SLC38A3: variants seen among roughly 807,000 people sequenced by gnomAD.
SLC38A3 encodes sodium-coupled neutral amino acid transporter 3.
A neutral mutation model predicts 59.5 loss-of-function variants in SLC38A3; 17 were observed. The observed-to-expected ratio is 0.29, with a 90% confidence interval of 0.20 to 0.43. The LOEUF (loss-of-function observed/expected upper bound fraction) is 0.43, where lower values mean the gene tolerates loss of function less well. Ranked by LOEUF, SLC38A3 falls within the 20% of genes least tolerant of loss-of-function variation. The probability of loss-of-function intolerance (pLI) is 1.00; values close to 1 mark genes in which losing one functional copy is unlikely to be tolerated. For synonymous variants in SLC38A3, 238 were observed against 260.3 expected, an observed-to-expected ratio of 0.91 and a Z score of 0.82; for missense variants, 454 against 653.9, an observed-to-expected ratio of 0.69 and a Z score of 3.33.
chr3:50,211,594 T>TC (rs1699730298), intron 1 of SLC38A3, among the ~76,000 whole-genome samples: 1 of 139,900 alleles, frequency 7.1e-6, no homozygotes, highest in Admixed American at 7.2e-5. Flanking sequence ...TTTTTTTTTT[T>TC]TCTTTTTTTT....
chr3:50,219,072 C>A, intron 14 of SLC38A3, 124 bp downstream of exon 14: 1 of 1,236,524 alleles, frequency 8.1e-7, no homozygotes, highest in Admixed American at 2.2e-5. Flanking sequence ...ACAGTTTGGC[C>A]TTCCATCTGA....
At position 50,217,664 on chromosome 3, in the gene SLC38A3, T is replaced by A; in HGVS notation, c.691-12T>A. On this transcript the variant is annotated splice_polypyrimidine_tract_variant and intron_variant, in intron 9 of 15. Coordinates refer to ENST00000614032, the MANE Select transcript of SLC38A3 (RefSeq NM_006841.6). The surrounding 1 kb of genome is among the most constrained non-coding windows in gnomAD (Gnocchi z 4.9). ...TGGGAGTCTCTGACACCCTCATCCC[T>A]CCCCACTCCAGGTCATCTACAAAAA... The A allele has an allele frequency of 6.2e-7, 1 of 1,613,410 alleles. No individual in the cohort carries two copies. The highest frequency in any genetic ancestry group is 1.1e-5 in the South Asian group (1 of 90,998).
Position 50,215,224 on chromosome 3 carries a change from T to C in SLC38A3, c.300-162T>C. 2 of 640,498 alleles carry C rather than the reference T, an allele frequency of 3.1e-6. No homozygotes were observed. Among genetic ancestry groups the C allele is most frequent in the South Asian group, 3.8e-5 (2 of 53,330 alleles). 39.7% of individuals were successfully genotyped at this position (640,498 alleles called of 1,614,324 possible). A position where few individuals can be genotyped will look rare whatever the true frequency, so the allele number is the denominator to read the frequency against. Reference sequence around the variant, plus strand: ...CCTGGATCAAAGGGGGTGGTGTTCATCACCCCTGGGGCCTGCTGAGCTGGC... The same window carrying C: ...CCTGGATCAAAGGGGGTGGTGTTCACCACCCCTGGGGCCTGCTGAGCTGGC... On this transcript the variant is annotated intron_variant, in intron 4 of 15. Coordinates refer to ENST00000614032, the MANE Select transcript of SLC38A3 (RefSeq NM_006841.6). This position sits in a 1 kb window ranked among gnomAD's most constrained non-coding sequence, Gnocchi z 7.1.
Position 50,208,728 on chromosome 3 carries a change from CTGTCTG to C in SLC38A3, c.-52+3385_-52+3390del, listed in dbSNP as rs1459994679. ...ATGTGGTTTTTGTCTGTGTGTTTTT[CTGTCTG>C]TGTCCCTCTGTGTGCATCTGCATTT... On this transcript the variant is annotated intron_variant, in intron 1 of 15. Coordinates refer to ENST00000614032, the MANE Select transcript of SLC38A3 (RefSeq NM_006841.6). Among the ~76,000 whole-genome samples, 8 of 152,314 alleles carry C rather than the reference CTGTCTG, an allele frequency of 5.3e-5. No individual in the cohort carries two copies. The East Asian group carries it at 1.5e-3, about 29-fold the overall frequency.
At chr3:50,219,816 C>T in intron 14 of SLC38A3, 65 bp from the exon 15 acceptor site, 1 of 1,333,124 alleles carries the variant, frequency 7.5e-7, no homozygotes, top group African/African-American at 1.5e-5. Flanking sequence ...ATTGAAGAGT[C>T]CACCCCCGAA....
chr3:50,208,680 C>G (rs553462928), intron 1 of SLC38A3, among the ~76,000 whole-genome samples: 1 of 152,322 alleles, frequency 6.6e-6, no homozygotes, highest in African/African-American at 2.4e-5. Context: ...TGTCTCCTGT[C>G]TAAATGTCTG....
Position 50,220,368 on chromosome 3 carries a change from C to T in SLC38A3, c.*191C>T. The T allele has an allele frequency of 1.7e-6, 1 of 591,360 alleles. No homozygotes were observed. The highest frequency in any genetic ancestry group is 2.0e-5 in the South Asian group (1 of 50,676). The allele number at this position is 591,360 out of a possible 1,614,324, so 36.6% of individuals were successfully genotyped here. ...CAGGACCAAGGCCCTTGGGCCACTA[C>T]CCTGCTAGGCTCTGGAGCTGTAGAG... On this transcript the variant is annotated 3_prime_UTR_variant, in exon 16 of 16. Coordinates refer to ENST00000614032, the MANE Select transcript of SLC38A3 (RefSeq NM_006841.6).
In SLC38A3 at chr3:50,215,102, A is replaced by G. The variant is rs775971370; in HGVS notation, c.300-284A>G. ...GCTCTGCCCTGAAGCCAGAATGGAA[A>G]ACATGTTTGTTTCAAGGACTCAAGA... On this transcript the variant is annotated intron_variant, in intron 4 of 15. Transcript: ENST00000614032. This position sits in a 1 kb window ranked among gnomAD's most constrained non-coding sequence, Gnocchi z 7.1. Among the ~76,000 whole-genome samples the G allele has an allele frequency of 5.3e-5, 8 of 152,240 alleles. No individual in the cohort carries two copies. Among genetic ancestry groups the G allele is most frequent in the Non-Finnish European group, 1.2e-4 (8 of 68,046 alleles).
Position 50,215,676 on chromosome 3 carries a change from C to T in SLC38A3, c.466+40C>T, listed in dbSNP as rs752062097. ...CAGGGGCAGGCAGTAGGGAGGTGGA[C>T]AGCCCTGAAAGCTGGCTGGTTGGGC... On this transcript the variant is annotated intron_variant, in intron 6 of 15. Coordinates refer to ENST00000614032, the MANE Select transcript of SLC38A3 (RefSeq NM_006841.6). This position sits in a 1 kb window ranked among gnomAD's most constrained non-coding sequence, Gnocchi z 7.1. 1.9e-6 allele frequency: 3 copies of T among 1,611,282 alleles called. No homozygotes were observed. The highest frequency in any genetic ancestry group is 1.7e-5 in the Admixed American group (1 of 59,938).
chr3:50,217,188 T>G lies in SLC38A3; in HGVS notation c.549-50T>G. Reference sequence around the variant, plus strand: ...CCAGCAGAGGGAGGCAGGGGCCCCATCCCAGGCTGAATGGATTCTGACCCT... The same window carrying G: ...CCAGCAGAGGGAGGCAGGGGCCCCAGCCCAGGCTGAATGGATTCTGACCCT... On this transcript the variant is annotated intron_variant, in intron 7 of 15. Coordinates refer to ENST00000614032, the MANE Select transcript of SLC38A3 (RefSeq NM_006841.6). The surrounding 1 kb of genome is among the most constrained non-coding windows in gnomAD (Gnocchi z 4.9). 1 of 1,421,112 alleles carries G rather than the reference T, an allele frequency of 7.0e-7. No individual in the cohort carries two copies. 88.0% of individuals were successfully genotyped at this position (1,421,112 alleles called of 1,614,324 possible).
At chr3:50,211,979 G>A (rs1004033391) in intron 1 of SLC38A3, among the ~76,000 whole-genome samples, 2 of 152,136 alleles carry the variant, frequency 1.3e-5, no homozygotes, top group African/African-American at 4.8e-5. Flanking sequence ...CTATCTGGGG[G>A]GATTTGTCTC....
Position 50,217,704 on chromosome 3 carries a change from G to C in SLC38A3, c.719G>C (p.Cys240Ser). Residue 240 changes from cysteine (C) to serine (S), a missense_variant, in exon 10 of 16, where the codon TGC (cysteine) becomes TCC (serine). By Grantham distance (112) the Cys-to-Ser change is moderately radical. Transcript: ENST00000614032. This position sits in a 1 kb window ranked among gnomAD's most constrained non-coding sequence, Gnocchi z 4.9. ...AVIYKKFHVPCPLPPNFNNTT... is the reference protein window; with the variant it reads ...AVIYKKFHVPSPLPPNFNNTT... The stretch of plus-strand genomic sequence containing the variant: ...ATCTACAAAAAGTTCCACGTGCCCT[G>C]CCCACTGCCCCCCAACTTCAACAAC... 3.7e-6 allele frequency: 6 copies of C among 1,613,884 alleles called. No individual in the cohort carries two copies. Among genetic ancestry groups the C allele is most frequent in the Non-Finnish European group, 4.2e-6 (5 of 1,179,870 alleles).
chr3:50,214,398 A>G lies in SLC38A3; in HGVS notation c.102-4A>G, dbSNP rs1368522555. 3.1e-6 allele frequency: 5 copies of G among 1,592,654 alleles called. No individual in the cohort carries two copies. Among genetic ancestry groups the G allele is most frequent in the East Asian group, 4.6e-5 (2 of 43,896 alleles). ...GAGCCACCCACCCTGACCTGTGCCTACAGGGTCGAGGACCCTGCACGGAGC... is the reference window on the plus strand; with the variant it reads ...GAGCCACCCACCCTGACCTGTGCCTGCAGGGTCGAGGACCCTGCACGGAGC... On this transcript the variant is annotated splice_polypyrimidine_tract_variant and splice_region_variant and intron_variant, in intron 2 of 15. Coordinates refer to ENST00000614032, the MANE Select transcript of SLC38A3 (RefSeq NM_006841.6). The surrounding 1 kb of genome is among the most constrained non-coding windows in gnomAD (Gnocchi z 6.0).
rs531684917 is a variant in SLC38A3 at position 50,205,353 on chromosome 3, C to G, written c.-52+5C>G. On this transcript the variant is annotated splice_donor_5th_base_variant and intron_variant, in intron 1 of 15. Coordinates refer to ENST00000614032, the MANE Select transcript of SLC38A3 (RefSeq NM_006841.6). ...CGTTCCCAACCGCGAGGCCAGGTAC[C>G]GCTTCGGGAGTTCATCCCACCCGCA... is the stretch of plus-strand genomic sequence containing the variant. 7.2e-6 allele frequency: 1 copy of G among 139,000 alleles called. No homozygotes were observed. Among genetic ancestry groups the G allele is most frequent in the East Asian group, 2.3e-4 (1 of 4,334 alleles). The allele number at this position is 139,000 out of a possible 1,614,324, so 8.6% of individuals were successfully genotyped here. A position where few individuals can be genotyped will look rare whatever the true frequency, so the allele number is the denominator to read the frequency against.
chr3:50,218,603 G>C lies in SLC38A3; in HGVS notation c.1047G>C (p.Glu349Asp). 6.2e-7 allele frequency: 1 copy of C among 1,612,924 alleles called. No individual in the cohort carries two copies. The highest frequency in any genetic ancestry group is 8.5e-7 in the Non-Finnish European group (1 of 1,179,516). Residue 349 changes from glutamate to aspartate, a missense_variant, in exon 13 of 16, where the codon GAG (glutamate) becomes GAC (aspartate). Physicochemically the swap from Glu to Asp is conservative, Grantham distance 45 (BLOSUM62 2). Coordinates refer to ENST00000614032, the MANE Select transcript of SLC38A3 (RefSeq NM_006841.6). This position sits in a 1 kb window ranked among gnomAD's most constrained non-coding sequence, Gnocchi z 5.8. ...FGYLTFYNGV[E>D]SELLHTYSKV... ...CCCTGCCTGCCACAGACGGGGTGGA[G>C]TCGGAGCTGCTGCACACCTACAGCA...
In SLC38A3 at chr3:50,208,481, T is replaced by G. The variant is rs550396829; in HGVS notation, c.-52+3133T>G. Among the ~76,000 whole-genome samples the G allele has an allele frequency of 4.3e-4, 65 of 152,314 alleles. No homozygotes were observed. The South Asian group carries it at 0.013, about 31-fold the overall frequency. On this transcript the variant is annotated intron_variant, in intron 1 of 15. Transcript: ENST00000614032. ...TTTCACCATGTTGGCCAGGCTGGTC[T>G]CAAACTCCTGGGCTCAGGTGATCTG...
chr3:50,215,822 G>A lies in SLC38A3; in HGVS notation c.548+1G>A, dbSNP rs1342343278. On this transcript the variant is annotated splice_donor_variant, in intron 7 of 15. Coordinates refer to ENST00000614032, the MANE Select transcript of SLC38A3 (RefSeq NM_006841.6). LOFTEE classifies it high-confidence loss of function. This position sits in a 1 kb window ranked among gnomAD's most constrained non-coding sequence, Gnocchi z 7.1. The stretch of plus-strand genomic sequence containing the variant: ...TCCTGAACCTGGAGGAGAAAACCTC[G>A]TGAGCCCTGGCGTGGGGAGGGGAGG... 5 of 1,562,534 alleles carry A rather than the reference G, an allele frequency of 3.2e-6. No individual in the cohort carries two copies. The highest frequency in any genetic ancestry group is 1.4e-5 in the African/African-American group (1 of 72,918).
At chr3:50,208,331 T>G (rs1699673712) in intron 1 of SLC38A3, among the ~76,000 whole-genome samples, 1 of 151,508 alleles carries the variant, frequency 6.6e-6, no homozygotes, top group South Asian at 2.1e-4. Context: ...GGCGTGATCT[T>G]GGTTCACTGT....
chr3:50,215,053 G>C lies in SLC38A3; in HGVS notation c.299+285G>C. 1.7e-6 allele frequency: 1 copy of C among 574,492 alleles called. No individual in the cohort carries two copies. The allele number at this position is 574,492 out of a possible 1,614,324, so 35.6% of individuals were successfully genotyped here. A position where few individuals can be genotyped will look rare whatever the true frequency, so the allele number is the denominator to read the frequency against. ...AAGCCCCACGGCCAGGCCTTGTGTGGGCACACGTGTCCTTTGGCTGGGGGC... is the reference window on the plus strand; with the variant it reads ...AAGCCCCACGGCCAGGCCTTGTGTGCGCACACGTGTCCTTTGGCTGGGGGC... On this transcript the variant is annotated intron_variant, in intron 4 of 15. Coordinates refer to ENST00000614032, the MANE Select transcript of SLC38A3 (RefSeq NM_006841.6). The surrounding 1 kb of genome is among the most constrained non-coding windows in gnomAD (Gnocchi z 7.1).
Sources: allele counts gnomAD v4.1 joint callset (sites outside exome capture counted in the v4.1 genomes callset), GRCh38; gene constraint gnomAD v4.1.1; non-coding constraint Gnocchi (gnomAD v3.1); transcripts MANE v1.5; gene names NCBI Gene and HGNC (gene_info 2026-07-23, HGNC 2026-07-21).